TMEM229B: variants seen among roughly 807,000 people sequenced by gnomAD.
TMEM229B encodes chromosome 14 open reading frame 83.
TMEM229B carries 6 observed loss-of-function variants against 13.7 expected under a neutral mutation model. The ratio of observed to expected loss-of-function variants is 0.44; its 90% CI spans 0.24 to 0.86. The LOEUF is 0.86. Among genes scored for constraint, TMEM229B ranks in the 40% least tolerant of loss-of-function variants. The pLI, the probability that TMEM229B is intolerant of heterozygous loss-of-function variation, is 0.23. For synonymous variants in TMEM229B, 107 were observed against 102.1 expected, an observed-to-expected ratio of 1.05 and a Z score of -0.29; for missense variants, 170 against 236.0, an observed-to-expected ratio of 0.72 and a Z score of 1.83.
At chr14:67,512,680 A>T (rs2033067167) in intron 1 of TMEM229B, among the ~76,000 whole-genome samples, 1 of 152,136 alleles carries the variant, frequency 6.6e-6, no homozygotes, top group Non-Finnish European at 1.5e-5. Flanking sequence ...GCCCTTACCC[A>T]GGTCTTTCCT....
intron 2 of TMEM229B, among the ~76,000 whole-genome samples, chr14:67,474,841 A>G (rs966874883): frequency 3.9e-5 from 6 of 152,038 alleles, no homozygotes; most frequent in African/African-American, 1.5e-4. Flanking sequence ...GGCTTAGCAT[A>G]ACTGGCTTAG....
rs114391313 is a variant in TMEM229B, at chr14:67,511,868, C to A, written c.-192+3218G>T. 4.1e-3 allele frequency among the ~76,000 whole-genome samples: 621 copies of A among 152,348 alleles called. 7 individuals carry two copies. The highest frequency in any genetic ancestry group is 0.014 in the African/African-American group (595 of 41,582). ...ATGGGAAAACAGGGAAAGGAGCAAA[C>A]CCTCTTTTCCATCTTGGAAATGTGA... On this transcript the variant is annotated intron_variant, in intron 1 of 2. Transcript: ENST00000357461.
chr14:67,532,793 T>C (rs967466645), intron 1 of TMEM229B, among the ~76,000 whole-genome samples: 1 of 152,236 alleles, frequency 6.6e-6, no homozygotes, highest in African/African-American at 2.4e-5. Context: ...GGACTTCTGT[T>C]CCAAATATCC....
intron 1 of TMEM229B, among the ~76,000 whole-genome samples, chr14:67,510,417 G>A (rs1362184407): frequency 1.3e-5 from 2 of 152,104 alleles, no homozygotes; most frequent in Non-Finnish European, 2.9e-5. Flanking sequence ...CCTAGAAATC[G>A]GGGTATCTGA....
chr14:67,488,612 C>T lies in TMEM229B; in HGVS notation c.-296G>A, dbSNP rs2032019041. On this transcript the variant is annotated 5_prime_UTR_variant, in exon 1 of 3. Coordinates refer to ENST00000554480, the MANE Select transcript of TMEM229B (RefSeq NM_001348543.2). Reference sequence around the variant, plus strand: ...GAGCATGTCCGAACCCTCTGGGACTCTCTCTCCACCAGCACCACAAGGACC... The same window carrying T: ...GAGCATGTCCGAACCCTCTGGGACTTTCTCTCCACCAGCACCACAAGGACC... The T allele has an allele frequency of 6.6e-6, 1 of 152,364 alleles. No individual in the cohort carries two copies. The highest frequency in any genetic ancestry group is 2.4e-5 in the African/African-American group (1 of 41,466). 9.4% of individuals were successfully genotyped at this position (152,364 alleles called of 1,614,324 possible).
chr14:67,512,862 C>T lies in TMEM229B; in HGVS notation c.-192+2224G>A, dbSNP rs141166740. Among the ~76,000 whole-genome samples the T allele has an allele frequency of 2.9e-4, 44 of 152,292 alleles. No homozygotes were observed. The South Asian group carries it at 7.5e-3, about 26-fold the overall frequency. ...AAAGCTTGCTGCCTAAGTGCTGCAGCGAGAGCTTTTCTGATAAAAACTACA... is the reference window on the plus strand; with the variant it reads ...AAAGCTTGCTGCCTAAGTGCTGCAGTGAGAGCTTTTCTGATAAAAACTACA... On this transcript the variant is annotated intron_variant, in intron 1 of 2. Coordinates refer to the TMEM229B transcript ENST00000357461.
chr14:67,505,300 G>C (rs957027524), intron 1 of TMEM229B, among the ~76,000 whole-genome samples: 1 of 152,112 alleles, frequency 6.6e-6, no homozygotes, highest in African/African-American at 2.4e-5. Flanking sequence ...ATAGAAAACT[G>C]GCCCTCCTGT....
chr14:67,518,941 A>C (rs2033249029), upstream of TMEM229B, among the ~76,000 whole-genome samples: 1 of 152,226 alleles, frequency 6.6e-6, no homozygotes, highest in African/African-American at 2.4e-5. Context: ...AGATGCTATG[A>C]TAAGAAAGCA....
chr14:67,512,480 CTG>C (rs2033059005), intron 1 of TMEM229B, among the ~76,000 whole-genome samples: 4 of 152,148 alleles, frequency 2.6e-5, no homozygotes, highest in African/African-American at 9.7e-5. Flanking sequence ...AGGAATGTTC[CTG>C]CAATTCAAAA....
chr14:67,502,703 T>C (rs573448542), intron 1 of TMEM229B, among the ~76,000 whole-genome samples: 1 of 152,162 alleles, frequency 6.6e-6, no homozygotes, highest in East Asian at 2.0e-4. Flanking sequence ...CCACCCACCA[T>C]GGCCTCCCAA....
At chr14:67,525,455 G>A (rs760182975) in intron 1 of TMEM229B, among the ~76,000 whole-genome samples, 2 of 152,126 alleles carry the variant, frequency 1.3e-5, no homozygotes, top group Non-Finnish European at 2.9e-5. Context: ...ATTTCAATTG[G>A]ATCCTTTTCC....
chr14:67,501,081 T>TAAC (rs2032593100), intron 1 of TMEM229B, among the ~76,000 whole-genome samples: 1 of 144,732 alleles, frequency 6.9e-6, no homozygotes, highest in South Asian at 2.1e-4. Flanking sequence ...ATAATAATAA[T>TAAC]AATAAAGAAA....
intron 1 of TMEM229B, among the ~76,000 whole-genome samples, chr14:67,523,271 C>T (rs1322151949): frequency 6.6e-6 from 1 of 151,004 alleles, no homozygotes; most frequent in East Asian, 1.9e-4. Flanking sequence ...TTGCAGTGAG[C>T]CAAGATGGCA....
intron 1 of TMEM229B, among the ~76,000 whole-genome samples, chr14:67,498,310 C>A (rs1050976132): frequency 1.3e-5 from 2 of 152,144 alleles, no homozygotes; most frequent in African/African-American, 4.8e-5. Context: ...CTGTGGTTCT[C>A]CCTGTGCACA....
Position 67,473,848 on chromosome 14 carries a change from T to A in TMEM229B, c.76A>T (p.Met26Leu). The change falls in exon 3 of 3, where the codon ATG becomes TTG. Residue 26 changes from methionine to leucine, a missense_variant. Coordinates refer to ENST00000554480, the MANE Select transcript of TMEM229B (RefSeq NM_001348543.2). This position sits in a 1 kb window ranked among gnomAD's most constrained non-coding sequence, Gnocchi z 6.5. Reference protein sequence around the residue: ...YAIHGYFCEVMFTAAWEFVVN... With the variant: ...YAIHGYFCEVLFTAAWEFVVN... ...ACGAACTCCCAGGCCGCTGTGAACA[T>A]CACCTCGCAGAAGTAGCCGTGGATG... is the stretch of plus-strand genomic sequence containing the variant. The A allele has an allele frequency of 1.9e-6, 3 of 1,613,138 alleles. No individual in the cohort carries two copies. The highest frequency in any genetic ancestry group is 2.5e-6 in the Non-Finnish European group (3 of 1,179,688).
chr14:67,521,109 GA>G (rs2033285310), intron 1 of TMEM229B, among the ~76,000 whole-genome samples: 1 of 152,226 alleles, frequency 6.6e-6, no homozygotes, highest in African/African-American at 2.4e-5. Context: ...AAGAGGCTCT[GA>G]AAAGTACCAG....
At chr14:67,475,926 G>A (rs1368449790) in intron 2 of TMEM229B, among the ~76,000 whole-genome samples, 1 of 152,248 alleles carries the variant, frequency 6.6e-6, no homozygotes, top group Middle Eastern at 3.2e-3. Flanking sequence ...GATAGTGACT[G>A]TTGCACAGGC....
intron 1 of TMEM229B, among the ~76,000 whole-genome samples, chr14:67,528,550 T>C (rs1006380306): frequency 3.3e-5 from 5 of 152,200 alleles, no homozygotes; most frequent in South Asian, 4.1e-4. Flanking sequence ...AACTAGGATG[T>C]TGCAAACTCT....
chr14:67,498,964 C>A (rs1191318904), intron 1 of TMEM229B, among the ~76,000 whole-genome samples: 3 of 101,110 alleles, frequency 3.0e-5, no homozygotes, highest in Admixed American at 2.4e-4. Flanking sequence ...CCACTGAGCC[C>A]AGACAAGGCA....
Sources: gnomAD v4.1 joint callset for allele counts (sites outside exome capture counted in the v4.1 genomes callset) on GRCh38, gnomAD v4.1.1 for gene constraint, Gnocchi (gnomAD v3.1) non-coding constraint, MANE v1.5 for transcripts, NCBI Gene and HGNC (gene_info 2026-07-23, HGNC 2026-07-21) for gene names.